VRK2: variants seen among roughly 807,000 people sequenced by gnomAD.
VRK2 encodes serine/threonine-protein kinase VRK2.
A neutral mutation model predicts 57.6 loss-of-function variants in VRK2; 60 were observed. That is an observed-to-expected ratio of 1.04 (90% CI 0.85 to 1.29). The LOEUF (loss-of-function observed/expected upper bound fraction) is 1.29, where lower values mean the gene tolerates loss of function less well. Among genes scored for constraint, VRK2 ranks in the 50% most tolerant of loss-of-function variants. The pLI is 0.00. For missense variants in VRK2, 705 were observed against 588.1 expected (o/e 1.20, Z -2.06); for synonymous variants, 231 against 199.2 (o/e 1.16, Z -1.35).
chr2:58,074,042 T>A (rs1336567413), intron 2 of VRK2, among the ~76,000 whole-genome samples: 1 of 152,130 alleles, frequency 6.6e-6, no homozygotes, highest in Non-Finnish European at 1.5e-5. Flanking sequence ...TATCCTTCAA[T>A]CCAATCAAGG....
At chr2:58,042,889 A>C (rs1442845238), upstream of VRK2, among the ~76,000 whole-genome samples, 1 of 152,102 alleles carries the variant, frequency 6.6e-6, no homozygotes, top group African/African-American at 2.4e-5. Flanking sequence ...CATCATGTTC[A>C]TTCAGAAGAT....
intron 2 of VRK2, among the ~76,000 whole-genome samples, chr2:58,071,518 C>T (rs1181708872): frequency 6.6e-6 from 1 of 151,962 alleles, no homozygotes; most frequent in East Asian, 1.9e-4. Flanking sequence ...TGTGAGTGTC[C>T]AGTCCTAGTA....
At chr2:58,009,860 C>G (rs1572774761) in intron 1 of VRK2, among the ~76,000 whole-genome samples, 1 of 151,998 alleles carries the variant, frequency 6.6e-6, no homozygotes, top group African/African-American at 2.4e-5. Context: ...TTTTTTTCTC[C>G]TACTTACCCA....
At chr2:58,064,260 CA>C (rs1668308581) in intron 2 of VRK2, among the ~76,000 whole-genome samples, 1 of 152,054 alleles carries the variant, frequency 6.6e-6, no homozygotes, top group African/African-American at 2.4e-5. Context: ...AAAATGCTAA[CA>C]AACAACATTG....
chr2:58,073,715 A>G (rs1572955244), intron 2 of VRK2, among the ~76,000 whole-genome samples: 1 of 151,256 alleles, frequency 6.6e-6, no homozygotes, highest in East Asian at 1.9e-4. Flanking sequence ...TATTAAACTC[A>G]CATGATCACA....
chr2:58,080,996 C>G (rs1287715954), intron 2 of VRK2, among the ~76,000 whole-genome samples: 2 of 151,840 alleles, frequency 1.3e-5, no homozygotes, highest in Non-Finnish European at 2.9e-5. Context: ...TAATGCTGCC[C>G]ATTAAACTAT....
chr2:58,088,010 T>C (rs1352842685), intron 5 of VRK2, among the ~76,000 whole-genome samples: 4 of 152,000 alleles, frequency 2.6e-5, no homozygotes, highest in African/African-American at 9.7e-5. Flanking sequence ...GTGTGTACAA[T>C]AATTTGTTCA....
intron 7 of VRK2, among the ~76,000 whole-genome samples, chr2:58,105,244 A>G (rs987923751): frequency 2.6e-4 from 39 of 152,172 alleles, no homozygotes; most frequent in African/African-American, 8.9e-4. Flanking sequence ...ACAGCAAGAG[A>G]AACAATCAAC....
intron 1 of VRK2, among the ~76,000 whole-genome samples, chr2:57,937,517 G>C (rs1013104412): frequency 2.6e-5 from 4 of 152,104 alleles, no homozygotes; most frequent in Non-Finnish European, 5.9e-5. Context: ...TACATATTTT[G>C]AATAGTGTAA....
intron 1 of VRK2, among the ~76,000 whole-genome samples, chr2:57,927,980 G>A (rs1159713843): frequency 6.6e-6 from 1 of 152,014 alleles, no homozygotes; most frequent in Non-Finnish European, 1.5e-5. Context: ...CTTTATCATA[G>A]ATCTTTGAGA....
rs115615169 is a variant in VRK2, at chr2:57,919,938, T to C, written c.-439+12099T>C. Reference sequence around the variant, plus strand: ...AAGTCTAAAAATGATTTTCATTCATTCCTCATTAATATGCAAAATTATTCA... The same window carrying C: ...AAGTCTAAAAATGATTTTCATTCATCCCTCATTAATATGCAAAATTATTCA... On this transcript the variant is annotated intron_variant, in intron 1 of 15. Transcript: ENST00000417641. Among the ~76,000 whole-genome samples the C allele has an allele frequency of 9.9e-3, 1,503 of 152,180 alleles. 25 individuals carry two copies. The highest frequency in any genetic ancestry group is 0.034 in the African/African-American group (1,425 of 41,552).
intron 7 of VRK2, among the ~76,000 whole-genome samples, chr2:58,105,452 A>G (rs1446483076): frequency 3.3e-5 from 5 of 151,962 alleles, no homozygotes; most frequent in Non-Finnish European, 5.9e-5. Context: ...AAAATGCTCA[A>G]CATCACTAAT....
chr2:58,106,387 G>A (rs1674754903), intron 7 of VRK2, among the ~76,000 whole-genome samples: 1 of 152,068 alleles, frequency 6.6e-6, no homozygotes, highest in African/African-American at 2.4e-5. Flanking sequence ...AAAAGAACCA[G>A]GTTAGAATAG....
rs1679246761 is a variant in VRK2, at chr2:58,131,865, G to A, written c.734G>A (p.Cys245Tyr). 3 of 1,614,118 alleles carry A rather than the reference G, an allele frequency of 1.9e-6. No individual in the cohort carries two copies. The highest frequency in any genetic ancestry group is 2.5e-6 in the Non-Finnish European group (3 of 1,180,002). ...GGCTACTGCATGCTGCGGTGGTTGTGTGGGAAACTTCCCTGGGAACAGAAC... is the reference window on the plus strand; with the variant it reads ...GGCTACTGCATGCTGCGGTGGTTGTATGGGAAACTTCCCTGGGAACAGAAC... ...ILGYCMLRWL[C>Y]GKLPWEQNLK... The change falls in exon 9 of 13, where the codon TGT becomes TAT. Residue 245 changes from cysteine (C) to tyrosine (Y), a missense_variant. Coordinates refer to ENST00000340157, the MANE Select transcript of VRK2 (RefSeq NM_006296.7).
intron 2 of VRK2, among the ~76,000 whole-genome samples, chr2:58,050,005 A>G (rs1319443803): frequency 6.6e-6 from 1 of 152,212 alleles, no homozygotes. Flanking sequence ...TAAAGGACCC[A>G]TTTAAAGGGT....
intron 2 of VRK2, among the ~76,000 whole-genome samples, chr2:58,056,375 A>G (rs1676519463): frequency 6.6e-6 from 1 of 152,198 alleles, no homozygotes; most frequent in East Asian, 1.9e-4. Flanking sequence ...TAAAACTGGC[A>G]CGTCCCTCTG....
intron 1 of VRK2, among the ~76,000 whole-genome samples, chr2:58,014,368 A>G (rs1673511336): frequency 6.6e-6 from 1 of 152,222 alleles, no homozygotes; most frequent in African/African-American, 2.4e-5. Context: ...ATTTCTTATT[A>G]TGAGAGCAGA....
chr2:57,912,893 G>A (rs938389479), intron 1 of VRK2, among the ~76,000 whole-genome samples: 2 of 152,138 alleles, frequency 1.3e-5, no homozygotes, highest in African/African-American at 4.8e-5. Context: ...ACATGATGGT[G>A]AAGCCCTCTT....
chr2:58,115,816 G>A (rs1295013765), intron 7 of VRK2, among the ~76,000 whole-genome samples: 1 of 152,222 alleles, frequency 6.6e-6, no homozygotes, highest in African/African-American at 2.4e-5. Flanking sequence ...GTAATTTGCT[G>A]AGCCTAATGT....
Sources: gnomAD v4.1 joint callset for allele counts (sites outside exome capture counted in the v4.1 genomes callset) on GRCh38, gnomAD v4.1.1 for gene constraint, MANE v1.5 for transcripts, NCBI Gene and HGNC (gene_info 2026-07-23, HGNC 2026-07-21) for gene names.